The following SNX29 variants were observed in gnomAD, a reference collection of about 807,000 sequenced individuals.
The protein encoded by SNX29 is sorting nexin 29.
SNX29 carries 78 observed loss-of-function variants against 102.1 expected under a neutral mutation model. The ratio of observed to expected loss-of-function variants is 0.76; its 90% confidence interval spans 0.64 to 0.92. The LOEUF (loss-of-function observed/expected upper bound fraction) is 0.92, where lower values mean the gene tolerates loss of function less well. SNX29 is among the 40% of genes least tolerant of loss of function. The probability of loss-of-function intolerance (pLI) is 0.00; values close to 1 mark genes in which losing one functional copy is unlikely to be tolerated. For missense variants in SNX29, 1,280 were observed against 1,061.7 expected, an observed-to-expected ratio of 1.21 and a Z score of -2.86; for synonymous variants, 580 against 414.5, an observed-to-expected ratio of 1.40 and a Z score of -4.85.
intron 20 of SNX29, among the ~76,000 whole-genome samples, chr16:12,534,735 C>G (rs2077024805): frequency 6.6e-6 from 1 of 152,194 alleles, no homozygotes; most frequent in African/African-American, 2.4e-5. Context: ...TGCCCCTTGC[C>G]CTACTAAACC....
chr16:12,070,615 G>A (rs2051251666), intron 10 of SNX29, among the ~76,000 whole-genome samples: 2 of 151,542 alleles, frequency 1.3e-5, no homozygotes. Context: ...CTTTGCTATT[G>A]TGAATAGTGC....
At chr16:12,276,350 CAG>C (rs1471293698) in intron 14 of SNX29, among the ~76,000 whole-genome samples, 1 of 152,198 alleles carries the variant, frequency 6.6e-6, no homozygotes, top group East Asian at 1.9e-4. Context: ...GCCCAGGACT[CAG>C]GGCTTCTTTC....
intron 8 of SNX29, among the ~76,000 whole-genome samples, chr16:12,054,380 C>T (rs960562706): frequency 5.3e-5 from 8 of 152,180 alleles, no homozygotes; most frequent in African/African-American, 1.2e-4. Context: ...ATTGAATATT[C>T]TGCTTCTGGG....
chr16:12,566,683 G>T (rs567846765), intron 20 of SNX29, among the ~76,000 whole-genome samples: 2 of 100,710 alleles, frequency 2.0e-5, no homozygotes, highest in Non-Finnish European at 4.1e-5. Context: ...GGGATAAAGA[G>T]GCTCTTCGTA....
At chr16:12,549,564 C>T (rs1030644698) in intron 20 of SNX29, among the ~76,000 whole-genome samples, 1 of 151,974 alleles carries the variant, frequency 6.6e-6, no homozygotes, top group African/African-American at 2.4e-5. Context: ...GGGCTTCCAC[C>T]CTGGGACCCC....
chr16:12,078,197 G>A (rs552240746), intron 10 of SNX29, among the ~76,000 whole-genome samples: 82 of 145,398 alleles, frequency 5.6e-4, no homozygotes, highest in South Asian at 3.9e-3. Context: ...AAAAAAGGCC[G>A]GGTGTGGTGG....
At chr16:12,471,691 C>A (rs971471279) in intron 18 of SNX29, among the ~76,000 whole-genome samples, 3 of 152,242 alleles carry the variant, frequency 2.0e-5, no homozygotes, top group Admixed American at 6.5e-5. Flanking sequence ...GAAGGCAGGG[C>A]TATGTTTTGT....
intron 11 of SNX29, among the ~76,000 whole-genome samples, chr16:12,111,144 C>G (rs11075052): frequency 0.21 from 31,953 of 152,052 alleles, 3,659 homozygotes; most frequent in Middle Eastern, 0.28. Context: ...AATACAATGG[C>G]ATGTTCACAA....
rs1555551883 is a variant in SNX29, at chr16:12,491,510, G to GTTGT, written c.2178+13653_2178+13654insGTTT. On this transcript the variant is annotated intron_variant, in intron 19 of 20. Coordinates refer to ENST00000566228, the MANE Select transcript of SNX29 (RefSeq NM_032167.5). ...GGTATCTCATTTTGTTGCTGCTGTT[G>GTTGT]TTTTTTTTTATGTGACTTATTTTTT... Among the ~76,000 whole-genome samples, 8 of 150,522 alleles carry GTTGT rather than the reference G, an allele frequency of 5.3e-5. No individual in the cohort carries two copies. In the South Asian group the frequency reaches 6.4e-4, roughly 12 times the overall value.
chr16:12,258,444 C>T (rs940672473), intron 14 of SNX29, among the ~76,000 whole-genome samples: 1 of 152,152 alleles, frequency 6.6e-6, no homozygotes, highest in Non-Finnish European at 1.5e-5. Context: ...CCCACAGAGG[C>T]CCAGCCTCCA....
chr16:12,122,214 T>C (rs2054001478), intron 11 of SNX29, among the ~76,000 whole-genome samples: 1 of 152,228 alleles, frequency 6.6e-6, no homozygotes, highest in Non-Finnish European at 1.5e-5. Context: ...GACTTGGAAC[T>C]CTTTGCTCTT....
intron 20 of SNX29, among the ~76,000 whole-genome samples, chr16:12,548,618 ACAG>A (rs1327222316): frequency 2.6e-5 from 4 of 152,304 alleles, no homozygotes; most frequent in South Asian, 4.1e-4. Flanking sequence ...TCCAAGCCCC[ACAG>A]CAGAAGAGGC....
At chr16:12,442,922 T>G (rs1334677356) in intron 18 of SNX29, 1 of 437,190 alleles carries the variant, frequency 2.3e-6, no homozygotes, top group Non-Finnish European at 4.6e-6. Context: ...TTTTCTGGTT[T>G]GACACTGAAC....
At chr16:12,437,463 T>C (rs2085588902) in intron 18 of SNX29, among the ~76,000 whole-genome samples, 1 of 152,160 alleles carries the variant, frequency 6.6e-6, no homozygotes, top group Non-Finnish European at 1.5e-5. Flanking sequence ...GTGCCAGGCA[T>C]GGGAGATGGT....
intron 13 of SNX29, among the ~76,000 whole-genome samples, chr16:12,197,258 C>T (rs1469853300): frequency 2.0e-5 from 3 of 152,066 alleles, no homozygotes; most frequent in Non-Finnish European, 4.4e-5. Context: ...GAGGCTCTGG[C>T]TAAAGGAATC....
At chr16:12,495,758 G>C (rs926039004) in intron 19 of SNX29, among the ~76,000 whole-genome samples, 3 of 152,134 alleles carry the variant, frequency 2.0e-5, no homozygotes, top group Non-Finnish European at 4.4e-5. Context: ...GTGAGAGACA[G>C]AATGTCTGCA....
At chr16:12,028,721 A>G (rs1368710027) in intron 4 of SNX29, among the ~76,000 whole-genome samples, 1 of 151,822 alleles carries the variant, frequency 6.6e-6, no homozygotes, top group Non-Finnish European at 1.5e-5. Flanking sequence ...GGTACATAAT[A>G]TTTGTACATA....
chr16:12,235,332 G>A (rs1405568968), intron 14 of SNX29, among the ~76,000 whole-genome samples: 2 of 152,262 alleles, frequency 1.3e-5, no homozygotes, highest in African/African-American at 2.4e-5. Context: ...CGCAGTGCTC[G>A]TGTTTTCAGC....
chr16:12,177,885 G>T (rs1196882118), intron 13 of SNX29, among the ~76,000 whole-genome samples: 1 of 152,158 alleles, frequency 6.6e-6, no homozygotes, highest in African/African-American at 2.4e-5. Context: ...CCCTCACGGA[G>T]CTTAGGTTCT....
Sources: allele counts gnomAD v4.1 joint callset (sites outside exome capture counted in the v4.1 genomes callset), GRCh38; gene constraint gnomAD v4.1.1; transcripts MANE v1.5; gene names NCBI Gene and HGNC (gene_info 2026-07-23, HGNC 2026-07-21).